Variants in DGKB observed in about 807,000 individuals in gnomAD.
The protein encoded by DGKB is 90 kDa diacylglycerol kinase.
DGKB carries 67 observed loss-of-function variants against 114.3 expected under a neutral mutation model. The ratio of observed to expected loss-of-function variants is 0.59; its 90% CI spans 0.48 to 0.72. The LOEUF is 0.72. DGKB is among the 30% of genes least tolerant of loss of function. The pLI, the probability that DGKB is intolerant of heterozygous loss-of-function variation, is 0.00. For missense variants in DGKB, 907 were observed against 975.2 expected (o/e 0.93, Z 0.93); for synonymous variants, 398 against 323.1 (o/e 1.23, Z -2.49).
intron 1 of DGKB, among the ~76,000 whole-genome samples, chr7:14,852,487 C>CAAAAAAAAAAAAAGAA: frequency 1.6e-5 from 1 of 63,636 alleles, no homozygotes; most frequent in Non-Finnish European, 3.0e-5. Flanking sequence ...TAGTGAAAGT[C>CAAAAAAAAAAAAAGAA]AAAAAAAAAA....
intron 6 of DGKB, among the ~76,000 whole-genome samples, chr7:14,706,584 A>C (rs1451505214): frequency 1.1e-4 from 13 of 116,812 alleles, no homozygotes; most frequent in Non-Finnish European, 2.2e-4. Flanking sequence ...CTCCTCAGCA[A>C]ATGTAAAAGA....
chr7:14,734,512 A>G (rs1031267211), intron 5 of DGKB, among the ~76,000 whole-genome samples: 1 of 152,132 alleles, frequency 6.6e-6, no homozygotes, highest in African/African-American at 2.4e-5. Context: ...TTTTGAATGT[A>G]CAGTGAAGTT....
intron 20 of DGKB, among the ~76,000 whole-genome samples, chr7:14,499,611 G>C (rs956323232): frequency 6.6e-6 from 1 of 151,712 alleles, no homozygotes; most frequent in African/African-American, 2.4e-5. Flanking sequence ...CATCTTGTTT[G>C]AAAATTCTTT....
At chr7:14,215,738 A>C (rs1180304566) in intron 23 of DGKB, among the ~76,000 whole-genome samples, 3 of 152,162 alleles carry the variant, frequency 2.0e-5, no homozygotes, top group African/African-American at 7.2e-5. Context: ...TTGGAGCTCC[A>C]AGATAATAAC....
intron 1 of DGKB, among the ~76,000 whole-genome samples, chr7:14,940,770 CCTTTATTT>C (rs1412455080): frequency 6.7e-6 from 1 of 149,212 alleles, no homozygotes; most frequent in Non-Finnish European, 1.5e-5. Context: ...CTTTATTCTT[CCTTTATTT>C]ATTTATTTTT....
intron 2 of DGKB, 68 bp from the exon 3 acceptor site, chr7:14,757,799 A>G (rs972958219): frequency 6.7e-6 from 5 of 750,704 alleles, no homozygotes; most frequent in Non-Finnish European, 1.1e-5. Flanking sequence ...CCAGTCCAGA[A>G]ACAGAGACCA....
chr7:14,961,138 C>G (rs1786819291), intron 1 of DGKB, among the ~76,000 whole-genome samples: 1 of 152,098 alleles, frequency 6.6e-6, no homozygotes, highest in South Asian at 2.1e-4. Flanking sequence ...TATGTTCAGT[C>G]ATAATGCTTT....
intron 25 of DGKB, among the ~76,000 whole-genome samples, chr7:14,152,380 A>G (rs959080978): frequency 6.6e-6 from 1 of 151,994 alleles, no homozygotes; most frequent in Non-Finnish European, 1.5e-5. Context: ...TATTATTTGA[A>G]AGAGGATACT....
intron 25 of DGKB, among the ~76,000 whole-genome samples, chr7:14,149,508 C>T (rs1378599859): frequency 1.3e-5 from 2 of 152,010 alleles, no homozygotes; most frequent in African/African-American, 4.8e-5. Context: ...TACCTCTAAC[C>T]TCACTTGTAG....
intron 23 of DGKB, among the ~76,000 whole-genome samples, chr7:14,265,572 G>C (rs1187085941): frequency 3.3e-5 from 5 of 151,798 alleles, no homozygotes; most frequent in African/African-American, 1.2e-4. Context: ...CTCTAAGACC[G>C]AGTTAGATGA....
chr7:14,871,881 T>C (rs574838414), intron 1 of DGKB, among the ~76,000 whole-genome samples: 32 of 152,310 alleles, frequency 2.1e-4, no homozygotes, highest in African/African-American at 7.0e-4. Flanking sequence ...ACCCATTTAG[T>C]TTTCATACTT....
intron 6 of DGKB, among the ~76,000 whole-genome samples, chr7:14,708,938 T>C (rs1826812444): frequency 6.6e-6 from 1 of 151,282 alleles, no homozygotes; most frequent in Non-Finnish European, 1.5e-5. Context: ...CCAAAAGCAA[T>C]GGCAACAAAA....
intron 12 of DGKB, 39 bp downstream of exon 12, chr7:14,682,514 T>G (rs778284256): frequency 2.2e-6 from 3 of 1,369,540 alleles, no homozygotes; most frequent in Non-Finnish European, 3.1e-6. Flanking sequence ...GTCTTCAGTG[T>G]GGGTGAATGC....
At chr7:14,316,232 G>A (rs952403678) in intron 23 of DGKB, among the ~76,000 whole-genome samples, 1 of 151,598 alleles carries the variant, frequency 6.6e-6, no homozygotes, top group African/African-American at 2.4e-5. Flanking sequence ...AACTAGAAAA[G>A]CAAGAGCAAA....
At chr7:14,628,125 G>C (rs1382964014) in intron 14 of DGKB, among the ~76,000 whole-genome samples, 1 of 152,080 alleles carries the variant, frequency 6.6e-6, no homozygotes, top group African/African-American at 2.4e-5. Flanking sequence ...TAAGCTAAAT[G>C]CTCAACACAG....
chr7:14,155,063 G>T (rs1187063347), intron 25 of DGKB, among the ~76,000 whole-genome samples: 3 of 151,962 alleles, frequency 2.0e-5, no homozygotes, highest in Admixed American at 2.0e-4. Context: ...GAACAAGAAC[G>T]CCAGATGATT....
chr7:14,170,145 A>AAAAGAAAGAAAGAAAGAAAG lies in DGKB; in HGVS notation c.2304+6674_2304+6693dup, dbSNP rs58897814. Among the ~76,000 whole-genome samples the AAAAGAAAGAAAGAAAGAAAG allele has an allele frequency of 2.4e-3, 242 of 99,990 alleles. 3 individuals carry two copies. Among genetic ancestry groups the AAAAGAAAGAAAGAAAGAAAG allele is most frequent in the Non-Finnish European group, 3.4e-3 (171 of 50,580 alleles). 65.6% of individuals were successfully genotyped at this position (99,990 alleles called of 152,430 possible). On this transcript the variant is annotated intron_variant, in intron 25 of 25. Transcript: ENST00000402815. ...GAGAAACTCCATCTCAAAAAAAAAA[A>AAAAGAAAGAAAGAAAGAAAG]AAAGAAAGAAAGAAAGAAAGAAAGA...
chr7:14,685,643 G>A (rs999668439), intron 9 of DGKB, among the ~76,000 whole-genome samples: 2 of 152,096 alleles, frequency 1.3e-5, no homozygotes, highest in African/African-American at 2.4e-5. Context: ...CCTGCCAAAT[G>A]GATCAGGGAC....
intron 20 of DGKB, among the ~76,000 whole-genome samples, chr7:14,560,899 G>C (rs554299944): frequency 7.9e-5 from 12 of 152,252 alleles, no homozygotes; most frequent in African/African-American, 1.4e-4. Context: ...GCAGGTATGA[G>C]ATGATATCTC....
Sources: allele counts gnomAD v4.1 joint callset (sites outside exome capture counted in the v4.1 genomes callset), GRCh38; gene constraint gnomAD v4.1.1; transcripts MANE v1.5; gene names NCBI Gene and HGNC (gene_info 2026-07-23, HGNC 2026-07-21).